Variants in TMEM260 observed in about 807,000 individuals in gnomAD.
TMEM260 encodes the protein protein O-mannosyl-transferase TMEM260.
TMEM260 carries 82 observed loss-of-function variants against 88.9 expected under a neutral mutation model. The observed-to-expected ratio is 0.92, with a 90% confidence interval of 0.77 to 1.11. The LOEUF (loss-of-function observed/expected upper bound fraction) is 1.11, where lower values mean the gene tolerates loss of function less well. Ranked by LOEUF, TMEM260 falls within the 50% of genes least tolerant of loss-of-function variation. The pLI, the probability that TMEM260 is intolerant of heterozygous loss-of-function variation, is 0.00. For missense variants in TMEM260, 902 were observed against 853.4 expected (o/e 1.06, Z -0.71); for synonymous variants, 314 against 309.3 (o/e 1.02, Z -0.16).
chr14:56,579,808 C>CCGCCGTGGCCGCCGCACAAGCTG lies in TMEM260; in HGVS notation c.-103_-81dup. ...AACCCGCGGAGGCTCGACCCGGAAGCCGCCGTGGCCGCCGCACAAGCTGCG... is the reference window on the plus strand; with the variant it reads ...AACCCGCGGAGGCTCGACCCGGAAGCCGCCGTGGCCGCCGCACAAGCTGCGCCGTGGCCGCCGCACAAGCTGCG... On this transcript the variant is annotated 5_prime_UTR_variant, in exon 1 of 16. Transcript: ENST00000261556. 1 of 1,123,244 alleles carries CCGCCGTGGCCGCCGCACAAGCTG rather than the reference C, an allele frequency of 8.9e-7. No individual in the cohort carries two copies. Among genetic ancestry groups the CCGCCGTGGCCGCCGCACAAGCTG allele is most frequent in the Non-Finnish European group, 1.1e-6 (1 of 889,924 alleles). The allele number at this position is 1,123,244 out of a possible 1,614,324, so 69.6% of individuals were successfully genotyped here. A position where few individuals can be genotyped will look rare whatever the true frequency, so the allele number is the denominator to read the frequency against.
chr14:56,620,033 G>C (rs1471762258), intron 10 of TMEM260, among the ~76,000 whole-genome samples: 1 of 152,082 alleles, frequency 6.6e-6, no homozygotes, highest in East Asian at 1.9e-4. Flanking sequence ...AATTAACAGA[G>C]GAACAGAAAA....
At chr14:56,616,901 C>T (rs1014094824) in intron 8 of TMEM260, among the ~76,000 whole-genome samples, 3 of 151,964 alleles carry the variant, frequency 2.0e-5, no homozygotes, top group Admixed American at 1.3e-4. Context: ...TTCTATTTTG[C>T]CTGTATTTGA....
intron 12 of TMEM260, among the ~76,000 whole-genome samples, chr14:56,627,656 T>C (rs1235308027): frequency 2.0e-5 from 3 of 150,844 alleles, no homozygotes; most frequent in Non-Finnish European, 4.4e-5. Context: ...TAGAGATATT[T>C]TTCCCCCCCA....
At chr14:56,658,406 C>G in the TMEM260 span, among the ~76,000 whole-genome samples, 1 of 151,970 alleles carries the variant, frequency 6.6e-6, no homozygotes, top group Admixed American at 6.6e-5. Flanking sequence ...CGCCACCATG[C>G]CCGGCTAATT....
At chr14:56,598,161 G>A (rs1886361566) in intron 3 of TMEM260, among the ~76,000 whole-genome samples, 1 of 151,958 alleles carries the variant, frequency 6.6e-6, no homozygotes, top group Admixed American at 6.6e-5. Context: ...TGTAGAGTGA[G>A]AAAAGCAATT....
intron 3 of TMEM260, among the ~76,000 whole-genome samples, chr14:56,599,458 G>A (rs1381421939): frequency 6.6e-6 from 1 of 152,138 alleles, no homozygotes; most frequent in Non-Finnish European, 1.5e-5. Flanking sequence ...AAAGCCTTGT[G>A]TGTATCCTTC....
At chr14:56,595,023 G>A (rs1480266186) in intron 3 of TMEM260, among the ~76,000 whole-genome samples, 1 of 152,094 alleles carries the variant, frequency 6.6e-6, no homozygotes, top group East Asian at 1.9e-4. Flanking sequence ...GATGATAATT[G>A]GCCAGGATCA....
At chr14:56,652,179 G>A (rs1435186206), downstream of TMEM260, among the ~76,000 whole-genome samples, 2 of 152,114 alleles carry the variant, frequency 1.3e-5, no homozygotes, top group Non-Finnish European at 2.9e-5. Flanking sequence ...CATTACCCTG[G>A]ATCCTTGAGT....
intron 15 of TMEM260, among the ~76,000 whole-genome samples, chr14:56,637,405 C>A (rs1239640620): frequency 6.6e-6 from 1 of 152,124 alleles, no homozygotes; most frequent in Non-Finnish European, 1.5e-5. Flanking sequence ...CCAAACTAAC[C>A]TTCGGAAGAC....
chr14:56,616,959 A>G (rs1233193255), intron 8 of TMEM260, among the ~76,000 whole-genome samples: 1 of 152,096 alleles, frequency 6.6e-6, no homozygotes, highest in Non-Finnish European at 1.5e-5. Flanking sequence ...TCTTCTGTGA[A>G]TGTTAGCTTT....
chr14:56,622,395 A>G (rs1030192099), intron 11 of TMEM260, among the ~76,000 whole-genome samples: 5 of 151,730 alleles, frequency 3.3e-5, no homozygotes, highest in Non-Finnish European at 5.9e-5. Flanking sequence ...TAACTCAACC[A>G]TTCAAATTTA....
At chr14:56,654,411 A>C (rs1242022052), downstream of TMEM260, among the ~76,000 whole-genome samples, 1 of 152,224 alleles carries the variant, frequency 6.6e-6, no homozygotes, top group Non-Finnish European at 1.5e-5. Flanking sequence ...TCTGTATTTT[A>C]GAGAAAGAAA....
In TMEM260 at chr14:56,625,278, A is replaced by G. The variant is rs995984154; in HGVS notation, c.1399-104A>G. 8 of 1,046,796 alleles carry G rather than the reference A, an allele frequency of 7.6e-6. No individual in the cohort carries two copies. The African/African-American group carries it at 1.3e-4, about 17-fold the overall frequency. The allele number at this position is 1,046,796 out of a possible 1,614,324, so 64.8% of individuals were successfully genotyped here. On this transcript the variant is annotated intron_variant, in intron 11 of 15. Coordinates refer to ENST00000261556, the MANE Select transcript of TMEM260 (RefSeq NM_017799.4). ...TATATTTTTCAATTATATATATATT[A>G]GGTTGGTGCAAAAGTAATTTAGGTT...
At chr14:56,619,978 C>T (rs1887816004) in intron 10 of TMEM260, among the ~76,000 whole-genome samples, 1 of 152,122 alleles carries the variant, frequency 6.6e-6, no homozygotes, top group Non-Finnish European at 1.5e-5. Context: ...GAGATCATGT[C>T]CTTTTTAGGA....
Position 56,636,039 on chromosome 14 carries a change from G to A in TMEM260, c.1779-469G>A, listed in dbSNP as rs1323552045. Among the ~76,000 whole-genome samples, 15 of 152,248 alleles carry A rather than the reference G, an allele frequency of 9.9e-5. No homozygotes were observed. In the East Asian group the frequency reaches 2.9e-3, roughly 30 times the overall value. ...GGAAGAAATCACATAAAAGAAGAAA[G>A]AGGTCATTATTTGCACAGGTATTGA... On this transcript the variant is annotated intron_variant, in intron 14 of 15. Transcript: ENST00000261556.
At position 56,647,616 on chromosome 14, in the gene TMEM260, A is replaced by C. The variant is rs764581811; in HGVS notation, c.*119A>C. 3 of 1,138,698 alleles carry C rather than the reference A, an allele frequency of 2.6e-6. No homozygotes were observed. The highest frequency in any genetic ancestry group is 3.6e-6 in the Non-Finnish European group (3 of 827,672). 70.5% of individuals were successfully genotyped at this position (1,138,698 alleles called of 1,614,324 possible). A position where few individuals can be genotyped will look rare whatever the true frequency, so the allele number is the denominator to read the frequency against. On this transcript the variant is annotated 3_prime_UTR_variant, in exon 16 of 16. Coordinates refer to ENST00000261556, the MANE Select transcript of TMEM260 (RefSeq NM_017799.4). ...TTTAAAACTAAGTCATCTCCCAGATATAAGTATCATGGTCCAGCAGTACTG... is the reference window on the plus strand; with the variant it reads ...TTTAAAACTAAGTCATCTCCCAGATCTAAGTATCATGGTCCAGCAGTACTG...
chr14:56,642,744 A>G (rs1443878698), intron 15 of TMEM260, among the ~76,000 whole-genome samples: 1 of 152,248 alleles, frequency 6.6e-6, no homozygotes, highest in Admixed American at 6.5e-5. Context: ...AAAGATCAAC[A>G]AAATTGATAG....
At chr14:56,650,399 G>C (rs1890183281), downstream of TMEM260, 2 of 205,534 alleles carry the variant, frequency 9.7e-6, no homozygotes, top group African/African-American at 4.7e-5. Flanking sequence ...CTAACCACTG[G>C]GTGGGCTACA....
intron 15 of TMEM260, among the ~76,000 whole-genome samples, chr14:56,645,345 G>C (rs1889887825): frequency 6.6e-6 from 1 of 152,010 alleles, no homozygotes; most frequent in African/African-American, 2.4e-5. Flanking sequence ...CCTTTGTAGG[G>C]ACATGGATGA....
Sources: allele counts gnomAD v4.1 joint callset (sites outside exome capture counted in the v4.1 genomes callset), GRCh38; gene constraint gnomAD v4.1.1; transcripts MANE v1.5; gene names NCBI Gene and HGNC (gene_info 2026-07-23, HGNC 2026-07-21).